SEZ6L2: variants seen among roughly 807,000 people sequenced by gnomAD.
SEZ6L2 encodes the protein seizure related 6 homolog like 2, also known as seizure 6-like protein 2.
SEZ6L2 carries 44 observed loss-of-function variants against 97.0 expected under a neutral mutation model. That is an observed-to-expected ratio of 0.45 (90% confidence interval 0.36 to 0.58). The LOEUF is 0.58. Among genes scored for constraint, SEZ6L2 ranks in the 20% least tolerant of loss-of-function variants. The pLI is 0.00. For missense variants in SEZ6L2, 1,086 were observed against 1,233.3 expected (o/e 0.88, Z 1.79); for synonymous variants, 543 against 546.1 (o/e 0.99, Z 0.08).
In SEZ6L2 at chr16:29,895,626, A is replaced by G. The variant is rs999220836; in HGVS notation, c.651+95T>C. The G allele has an allele frequency of 4.7e-6, 7 of 1,477,146 alleles. No homozygotes were observed. The African/African-American group carries it at 7.0e-5, about 15-fold the overall frequency. The allele number at this position is 1,477,146 out of a possible 1,614,324, so 91.5% of individuals were successfully genotyped here. ...TTTTTGAGGTCACCTGAGTCATCAG[A>G]CAGGTTCTTTGGCTCCCAGGCCAAA... On this transcript the variant is annotated intron_variant, in intron 4 of 17. Transcript: ENST00000617533.
In SEZ6L2 at chr16:29,898,975, C is replaced by G. The variant is rs574623238; in HGVS notation, c.45G>C (p.Leu15=). 3 of 1,612,414 alleles carry G rather than the reference C, an allele frequency of 1.9e-6. No individual in the cohort carries two copies. Among genetic ancestry groups the G allele is most frequent in the Non-Finnish European group, 8.5e-7 (1 of 1,179,720 alleles). Residue 15 remains leucine, a synonymous_variant, in exon 1 of 18, where the codon CTG becomes CTC. Coordinates refer to ENST00000617533, the MANE Select transcript of SEZ6L2 (RefSeq NM_001243332.2). ...AGGGACAGCTCAGCAGAATTAGGAA[C>G]AGCAGCTGGGGAGGCGGCGGGTGCT... ...RAQHPPPPQL[L]FLILLSCPWI...
rs2067845884 is a variant in SEZ6L2, at chr16:29,873,982, A to G, written c.2105-253T>C. Among the ~76,000 whole-genome samples, 1 of 152,078 alleles carries G rather than the reference A, an allele frequency of 6.6e-6. No individual in the cohort carries two copies. Among genetic ancestry groups the G allele is most frequent in the Middle Eastern group, 3.2e-3 (1 of 316 alleles). ...GAGTGAGACCCAGTCTAAAAAAAAT[A>G]AAAGAAAATCTCCCAGAAGCTTAGG... On this transcript the variant is annotated intron_variant, in intron 12 of 17. Transcript: ENST00000617533. The surrounding 1 kb of genome is among the most constrained non-coding windows in gnomAD (Gnocchi z 4.3).
At chr16:29,872,316 A>G in intron 16 of SEZ6L2, 33 bp from the exon 17 acceptor site, 1 of 1,598,022 alleles carries the variant, frequency 6.3e-7, no homozygotes, top group Non-Finnish European at 8.6e-7. Flanking sequence ...GAGCTTATCA[A>G]CAGGTAAGCC....
At chr16:29,872,624 C>A in intron 15 of SEZ6L2, 81 bp downstream of exon 15, 1 of 1,599,670 alleles carries the variant, frequency 6.3e-7, no homozygotes, top group East Asian at 2.2e-5. Context: ...TTCATCCCTC[C>A]AAGGCCTGGC....
chr16:29,886,538 G>A (rs139757009), intron 7 of SEZ6L2, among the ~76,000 whole-genome samples: 6 of 150,858 alleles, frequency 4.0e-5, no homozygotes, highest in Non-Finnish European at 4.4e-5. Flanking sequence ...AAAATTAGCC[G>A]GACGTGGTGG....
intron 6 of SEZ6L2, 84 bp from the exon 7 acceptor site, chr16:29,887,901 T>C: frequency 6.8e-7 from 1 of 1,463,404 alleles, no homozygotes; most frequent in Non-Finnish European, 9.3e-7. Flanking sequence ...TTCAGAACTG[T>C]TGCATTCACA....
intron 12 of SEZ6L2, among the ~76,000 whole-genome samples, chr16:29,875,665 C>CTTTTTT (rs11443146): frequency 4.0e-4 from 49 of 121,012 alleles, no homozygotes; most frequent in Non-Finnish European, 7.3e-4. Context: ...TTCTTTCTTT[C>CTTTTTT]TTTTTTTTTT....
In SEZ6L2 at chr16:29,871,482, C is replaced by T. The variant is rs2067778608; in HGVS notation, c.*217G>A. ...CCGGTAGGGCGGGGGGCAGGCCCCT[C>T]GTTTGGCAACTGAGAAGAGGCGGCT... On this transcript the variant is annotated 3_prime_UTR_variant, in exon 18 of 18. Coordinates refer to ENST00000617533, the MANE Select transcript of SEZ6L2 (RefSeq NM_001243332.2). 10 of 609,310 alleles carry T rather than the reference C, an allele frequency of 1.6e-5. No homozygotes were observed. The highest frequency in any genetic ancestry group is 1.8e-5 in the Non-Finnish European group (6 of 339,352). The allele number at this position is 609,310 out of a possible 1,614,324, so 37.7% of individuals were successfully genotyped here. A position where few individuals can be genotyped will look rare whatever the true frequency, so the allele number is the denominator to read the frequency against.
intron 5 of SEZ6L2, among the ~76,000 whole-genome samples, chr16:29,894,448 C>T (rs952202051): frequency 1.4e-4 from 19 of 134,380 alleles, no homozygotes; most frequent in Admixed American, 4.0e-4. Context: ...CTTTCCCTGG[C>T]GAATTTATCC....
chr16:29,873,323 C>A lies in SEZ6L2; in HGVS notation c.2405G>T (p.Gly802Val). The change falls in exon 14 of 18, where the codon GGC becomes GTC. Residue 802 changes from glycine (G) to valine (V), a missense_variant. Around this residue, in one of 2 missense-constraint regions of SEZ6L2, gnomAD observed 310 missense variants for 438.6 expected, o/e 0.71. Coordinates refer to ENST00000617533, the MANE Select transcript of SEZ6L2 (RefSeq NM_001243332.2). The surrounding 1 kb of genome is among the most constrained non-coding windows in gnomAD (Gnocchi z 4.3). ...GESLRFFCYEGFELIGEVTIT... is the reference protein window; with the variant it reads ...GESLRFFCYEVFELIGEVTIT... ...GGTGACCTCGCCGATAAGCTCAAAGCCCTCATAGCAGAAGAAGCGCAGAGA... is the reference window on the plus strand; with the variant it reads ...GGTGACCTCGCCGATAAGCTCAAAGACCTCATAGCAGAAGAAGCGCAGAGA... 2 of 1,614,244 alleles carry A rather than the reference C, an allele frequency of 1.2e-6. No individual in the cohort carries two copies. Among genetic ancestry groups the A allele is most frequent in the Non-Finnish European group, 1.7e-6 (2 of 1,180,036 alleles).
intron 11 of SEZ6L2, 26 bp downstream of exon 11, chr16:29,877,245 C>T (rs764524092): frequency 7.2e-5 from 110 of 1,520,220 alleles, no homozygotes; most frequent in Non-Finnish European, 9.5e-5. Flanking sequence ...GACCCCTGCC[C>T]ATCCCGGGAC....
chr16:29,891,307 A>G lies in SEZ6L2; in HGVS notation c.854-2582T>C, dbSNP rs187638425. ...TTGAACTCCTGACCTCAGGTGATCC[A>G]CCTACCTTGGCCTCCCAAAGTGCTG... On this transcript the variant is annotated intron_variant, in intron 5 of 17. Coordinates refer to ENST00000617533, the MANE Select transcript of SEZ6L2 (RefSeq NM_001243332.2). Among the ~76,000 whole-genome samples, 498 of 150,246 alleles carry G rather than the reference A, an allele frequency of 3.3e-3. 3 individuals carry two copies. The highest frequency in any genetic ancestry group is 0.011 in the African/African-American group (452 of 41,084).
chr16:29,889,099 T>A (rs1412133714), intron 5 of SEZ6L2, among the ~76,000 whole-genome samples: 1 of 152,172 alleles, frequency 6.6e-6, no homozygotes, highest in East Asian at 1.9e-4. Context: ...CAGAGCTTGT[T>A]CAGCTCCCAA....
rs1429926515 is a variant in SEZ6L2 at position 29,899,042 on chromosome 16, C to A, written c.-23G>T. ...CATGGCGACTCACCCCGATCTCTCT[C>A]CTCTGTGCCTCTCTAAGTAATCTGG... On this transcript the variant is annotated 5_prime_UTR_variant, in exon 1 of 18. Transcript: ENST00000617533. The A allele has an allele frequency of 1.5e-5, 24 of 1,573,514 alleles. No homozygotes were observed. The highest frequency in any genetic ancestry group is 1.7e-4 in the Middle Eastern group (1 of 6,008).
chr16:29,882,286 T>A (rs1406201117), intron 8 of SEZ6L2, among the ~76,000 whole-genome samples: 1 of 151,754 alleles, frequency 6.6e-6, no homozygotes, highest in Non-Finnish European at 1.5e-5. Context: ...TATTTATTTT[T>A]AAAAATGAGG....
rs11344 is a variant in SEZ6L2 at position 29,899,197 on chromosome 16, C to G, written c.-178G>C. The stretch of plus-strand genomic sequence containing the variant: ...CTTGGGATGGAGGGGCAGAATTGGG[C>G]TAGGGGTCGCCTGGAGCCCACCCCC... On this transcript the variant is annotated 5_prime_UTR_variant, in exon 1 of 18. Transcript: ENST00000617533. The G allele has an allele frequency of 0.34, 191,164 of 565,540 alleles. 33,714 individuals are homozygous for G. Among genetic ancestry groups the G allele is most frequent in the African/African-American group, 0.46 (21,882 of 47,992 alleles). 35.0% of individuals were successfully genotyped at this position (565,540 alleles called of 1,614,324 possible).
chr16:29,895,757 G>A lies in SEZ6L2; in HGVS notation c.615C>T (p.Ser205=). 6.2e-7 allele frequency: 1 copy of A among 1,614,074 alleles called. No individual in the cohort carries two copies. Among genetic ancestry groups the A allele is most frequent in the Non-Finnish European group, 8.5e-7 (1 of 1,179,990 alleles). The change falls in exon 4 of 18, where the codon AGC becomes AGT. Residue 205 remains serine, a synonymous_variant. Transcript: ENST00000617533. ...TGCCGTAGCCAGGGTAGACATGGATGCTGTAAGTGCAGTCCAGGAGCCCCA... is the reference window on the plus strand; with the variant it reads ...TGCCGTAGCCAGGGTAGACATGGATACTGTAAGTGCAGTCCAGGAGCCCCA... ...RTLGLLDCTY[S]IHVYPGYGIE... is the part of the protein sequence containing the mutation.
intron 17 of SEZ6L2, among the ~76,000 whole-genome samples, 154 bp downstream of exon 17, chr16:29,872,033 T>C (rs1218560648): frequency 6.6e-6 from 1 of 152,126 alleles, no homozygotes; most frequent in African/African-American, 2.4e-5. Flanking sequence ...CACTCCCTAT[T>C]GTATACACAT....
chr16:29,880,750 C>G (rs932473164), intron 8 of SEZ6L2, among the ~76,000 whole-genome samples: 11 of 151,852 alleles, frequency 7.2e-5, no homozygotes, highest in African/African-American at 2.7e-4. Flanking sequence ...AGTCACTGCG[C>G]CCAGCCTGGG....
Sources: allele counts gnomAD v4.1 joint callset (sites outside exome capture counted in the v4.1 genomes callset), GRCh38; gene constraint gnomAD v4.1.1; regional missense constraint gnomAD v4.1.1; non-coding constraint Gnocchi (gnomAD v3.1); transcripts MANE v1.5; gene names NCBI Gene and HGNC (gene_info 2026-07-23, HGNC 2026-07-21).